Variants in IL1RAP observed in about 807,000 individuals in gnomAD.
IL1RAP encodes interleukin 1 receptor accessory protein.
In IL1RAP, 35 loss-of-function variants were observed where a neutral mutation model predicts 60.7. That is an observed-to-expected ratio of 0.58 (90% CI 0.44 to 0.76). The LOEUF is 0.76. IL1RAP is among the 30% of genes least tolerant of loss of function. The probability of loss-of-function intolerance (pLI) is 0.00; values close to 1 mark genes in which losing one functional copy is unlikely to be tolerated. For synonymous variants in IL1RAP, 268 were observed against 250.9 expected (o/e 1.07, Z -0.64); for missense variants, 572 against 693.9 (o/e 0.82, Z 1.97).
At chr3:190,536,828 G>C (rs756641439) in intron 1 of IL1RAP, among the ~76,000 whole-genome samples, 16 of 151,968 alleles carry the variant, frequency 1.1e-4, no homozygotes, top group African/African-American at 1.2e-4. Flanking sequence ...AAATGTGAAA[G>C]ACACATTACT....
intron 3 of IL1RAP, among the ~76,000 whole-genome samples, chr3:190,574,925 G>A (rs1727303411): frequency 1.3e-5 from 2 of 152,046 alleles, no homozygotes; most frequent in Admixed American, 1.3e-4. Flanking sequence ...TCCACTTACT[G>A]CAAACTCTCC....
intron 3 of IL1RAP, among the ~76,000 whole-genome samples, chr3:190,581,464 C>A (rs1434297579): frequency 6.6e-6 from 1 of 152,126 alleles, no homozygotes; most frequent in African/African-American, 2.4e-5. Flanking sequence ...GGACTGAGAC[C>A]TTTTACATTC....
intron 1 of IL1RAP, among the ~76,000 whole-genome samples, chr3:190,534,475 A>T (rs959870709): frequency 7.9e-4 from 121 of 152,292 alleles, no homozygotes; most frequent in African/African-American, 2.7e-3. Context: ...TAGAGATCCG[A>T]TCCAGTGCTG....
intron 6 of IL1RAP, among the ~76,000 whole-genome samples, chr3:190,620,799 A>T (rs1205767220): frequency 1.3e-5 from 2 of 152,156 alleles, no homozygotes; most frequent in Non-Finnish European, 1.5e-5. Flanking sequence ...GAGAATATTT[A>T]AAAAAATATT....
chr3:190,613,617 G>A lies in IL1RAP; in HGVS notation c.537+4436G>A, dbSNP rs915196119. 3.9e-5 allele frequency among the ~76,000 whole-genome samples: 6 copies of A among 152,058 alleles called. No individual in the cohort carries two copies. The South Asian group carries it at 6.2e-4, about 16-fold the overall frequency. Reference sequence around the variant, plus strand: ...ATGGCCAATATCCAACCATGCACAGGTGACTAAAAAAGGCAAACAACATGG... The same window carrying A: ...ATGGCCAATATCCAACCATGCACAGATGACTAAAAAAGGCAAACAACATGG... On this transcript the variant is annotated intron_variant, in intron 5 of 11. Coordinates refer to ENST00000447382, the MANE Select transcript of IL1RAP (RefSeq NM_002182.4).
intron 3 of IL1RAP, among the ~76,000 whole-genome samples, chr3:190,576,914 G>GCTAA (rs1727514364): frequency 6.6e-6 from 1 of 151,264 alleles, no homozygotes; most frequent in African/African-American, 2.4e-5. Context: ...GAGATCGAGA[G>GCTAA]CACGGTGAAA....
chr3:190,573,144 TGA>T (rs1727139107), intron 3 of IL1RAP, among the ~76,000 whole-genome samples: 5 of 52,576 alleles, frequency 9.5e-5, no homozygotes, highest in Non-Finnish European at 1.8e-4. Flanking sequence ...ATTACAGGCG[TGA>T]GAATGCTTTG....
chr3:190,574,402 C>T (rs1435173668), intron 3 of IL1RAP, among the ~76,000 whole-genome samples: 1 of 152,166 alleles, frequency 6.6e-6, no homozygotes, highest in African/African-American at 2.4e-5. Flanking sequence ...GGTACAGGTG[C>T]AGTGGGTTTG....
rs1467572732 is a variant in IL1RAP at position 190,649,109 on chromosome 3, T to A, written c.*404T>A. 2.0e-6 allele frequency: 2 copies of A among 988,420 alleles called. No homozygotes were observed. The highest frequency in any genetic ancestry group is 2.4e-6 in the Non-Finnish European group (2 of 832,022). 61.2% of individuals were successfully genotyped at this position (988,420 alleles called of 1,614,324 possible). The stretch of plus-strand genomic sequence containing the variant: ...CAGGGTCATGAGTTTCCGAGTATAG[T>A]TTTCTTTTTATCTTATTTTTACTCG... On this transcript the variant is annotated 3_prime_UTR_variant, in exon 12 of 12. Coordinates refer to ENST00000447382, the MANE Select transcript of IL1RAP (RefSeq NM_002182.4).
At chr3:190,638,804 A>G (rs952385583) in intron 9 of IL1RAP, among the ~76,000 whole-genome samples, 1 of 152,036 alleles carries the variant, frequency 6.6e-6, no homozygotes, top group Non-Finnish European at 1.5e-5. Flanking sequence ...CAGTTGTTCC[A>G]GCACAATTAA....
chr3:190,601,782 G>A (rs1350974832), intron 3 of IL1RAP, among the ~76,000 whole-genome samples: 1 of 151,886 alleles, frequency 6.6e-6, no homozygotes, highest in Non-Finnish European at 1.5e-5. Context: ...GGTCAGTTGT[G>A]GAAAGCCAGA....
intron 3 of IL1RAP, among the ~76,000 whole-genome samples, chr3:190,583,418 C>T (rs563108185): frequency 2.0e-5 from 3 of 152,308 alleles, no homozygotes; most frequent in Admixed American, 6.5e-5. Context: ...GAAGCATAGA[C>T]GTTTCTTTCT....
chr3:190,634,386 T>C (rs1335589322), intron 9 of IL1RAP, among the ~76,000 whole-genome samples: 1 of 151,696 alleles, frequency 6.6e-6, no homozygotes, highest in East Asian at 1.9e-4. Flanking sequence ...CCTCCTGGGT[T>C]CAAATGATTC....
rs888490581 is a variant in IL1RAP at position 190,650,962 on chromosome 3, G to T, written c.*2257G>T. On this transcript the variant is annotated 3_prime_UTR_variant, in exon 12 of 12. Coordinates refer to ENST00000447382, the MANE Select transcript of IL1RAP (RefSeq NM_002182.4). Reference sequence around the variant, plus strand: ...TGGGCACCCCTAGAAATACCTTGATGTTTTTTCTATTTATATGCCTGCCTT... The same window carrying T: ...TGGGCACCCCTAGAAATACCTTGATTTTTTTTCTATTTATATGCCTGCCTT... 27 of 985,300 alleles carry T rather than the reference G, an allele frequency of 2.7e-5. No individual in the cohort carries two copies. In the South Asian group the frequency reaches 2.8e-4, roughly 10 times the overall value. The allele number at this position is 985,300 out of a possible 1,614,324, so 61.0% of individuals were successfully genotyped here.
chr3:190,619,451 A>G (rs1731566704), intron 5 of IL1RAP, among the ~76,000 whole-genome samples: 2 of 152,172 alleles, frequency 1.3e-5, no homozygotes, highest in African/African-American at 4.8e-5. Flanking sequence ...AATGGGATAA[A>G]GTTGGTGGCT....
intron 9 of IL1RAP, among the ~76,000 whole-genome samples, chr3:190,634,725 G>GTTTTTTTT (rs1560233924): frequency 7.0e-6 from 1 of 142,258 alleles, no homozygotes; most frequent in African/African-American, 2.8e-5. Context: ...TTTTGTTGTT[G>GTTTTTTTT]TTTTTTTTGA....
chr3:190,609,321 TC>T, intron 5 of IL1RAP, 140 bp downstream of exon 5: 30 of 563,062 alleles, frequency 5.3e-5, no homozygotes, highest in Admixed American at 1.9e-4. Flanking sequence ...TGGAAGTATT[TC>T]AGCACGTCCT....
At chr3:190,520,130 G>A (rs757222446) in intron 1 of IL1RAP, among the ~76,000 whole-genome samples, 9 of 152,162 alleles carry the variant, frequency 5.9e-5, no homozygotes, top group Non-Finnish European at 1.2e-4. Context: ...AGTTTGGCAA[G>A]CAATTGGGAT....
intron 5 of IL1RAP, among the ~76,000 whole-genome samples, chr3:190,613,851 A>G (rs893205461): frequency 1.3e-5 from 2 of 151,728 alleles, no homozygotes; most frequent in Admixed American, 1.3e-4. Flanking sequence ...AAAGACAACA[A>G]CCAGTCATGT....
Sources: allele counts gnomAD v4.1 joint callset (sites outside exome capture counted in the v4.1 genomes callset), GRCh38; gene constraint gnomAD v4.1.1; transcripts MANE v1.5; gene names NCBI Gene and HGNC (gene_info 2026-07-23, HGNC 2026-07-21).